Variants in PPP2R2B observed in about 807,000 individuals in gnomAD.
The protein encoded by PPP2R2B is serine/threonine-protein phosphatase 2A 55 kDa regulatory subunit B beta isoform.
PPP2R2B carries 5 observed loss-of-function variants against 46.0 expected under a neutral mutation model. The ratio of observed to expected loss-of-function variants is 0.11; its 90% CI spans 0.06 to 0.23. PPP2R2B has a LOEUF of 0.23. PPP2R2B is among the 10% of genes least tolerant of loss of function. The probability of loss-of-function intolerance (pLI) is 1.00; values close to 1 mark genes in which losing one functional copy is unlikely to be tolerated. For missense variants in PPP2R2B, 367 were observed against 575.0 expected, an observed-to-expected ratio of 0.64 and a Z score of 3.70; for synonymous variants, 215 against 206.7, an observed-to-expected ratio of 1.04 and a Z score of -0.34.
chr5:146,872,990 T>C (rs1761700937), intron 2 of PPP2R2B, among the ~76,000 whole-genome samples: 1 of 152,238 alleles, frequency 6.6e-6, no homozygotes, highest in African/African-American at 2.4e-5. Context: ...TCAAATTTAT[T>C]ATCTAGTCCA....
At position 147,026,916 on chromosome 5, in the gene PPP2R2B, C is replaced by T. The variant is rs901219444; in HGVS notation, c.79+28749G>A. Among the ~76,000 whole-genome samples the T allele has an allele frequency of 5.9e-5, 9 of 152,224 alleles. No homozygotes were observed. The East Asian group carries it at 1.7e-3, about 29-fold the overall frequency. On this transcript the variant is annotated intron_variant, in intron 1 of 8. Coordinates refer to the PPP2R2B transcript ENST00000336640. The stretch of plus-strand genomic sequence containing the variant: ...ACTAAATATGCACTAACCACATGAC[C>T]CAGCAGTTCTACTCCTAGTATTTAC...
chr5:146,789,604 C>T lies in PPP2R2B; in HGVS notation c.70+88398G>A, dbSNP rs557454312. Among the ~76,000 whole-genome samples the T allele has an allele frequency of 3.2e-4, 49 of 152,036 alleles. No homozygotes were observed. The South Asian group carries it at 3.5e-3, about 11-fold the overall frequency. ...ATGGGCCTGGTGATGTTATGGCAAA[C>T]GAGACAGTCACGGGCATGGTCCCTG... On this transcript the variant is annotated intron_variant, in intron 2 of 9. Transcript: ENST00000394411.
intron 2 of PPP2R2B, among the ~76,000 whole-genome samples, chr5:146,797,407 T>C (rs1322279217): frequency 2.6e-5 from 4 of 152,180 alleles, no homozygotes; most frequent in Non-Finnish European, 5.9e-5. Context: ...ATACAGTGAG[T>C]CCATGTATCC....
At chr5:147,081,160 T>C (rs1757957365) in intron 1 of PPP2R2B, 6 of 1,535,374 alleles carry the variant, frequency 3.9e-6, no homozygotes, top group Non-Finnish European at 5.2e-6. Context: ...AAGGAGACAC[T>C]TCAGGTTAGG....
intron 1 of PPP2R2B, among the ~76,000 whole-genome samples, chr5:146,992,689 A>G (rs1007523668): frequency 6.6e-6 from 1 of 152,172 alleles, no homozygotes; most frequent in Non-Finnish European, 1.5e-5. Flanking sequence ...TCATTACAAC[A>G]TAGTTGGGAT....
At chr5:146,917,587 C>G (rs1763438328) in intron 1 of PPP2R2B, among the ~76,000 whole-genome samples, 1 of 152,174 alleles carries the variant, frequency 6.6e-6, no homozygotes, top group Admixed American at 6.5e-5. Flanking sequence ...AGAGTTGGTT[C>G]TAGAACCTAA....
chr5:146,799,298 T>C (rs939745074), intron 2 of PPP2R2B, among the ~76,000 whole-genome samples: 1 of 152,190 alleles, frequency 6.6e-6, no homozygotes, highest in Non-Finnish European at 1.5e-5. Context: ...AGAAAGAGAA[T>C]GAATATGAAA....
intron 4 of PPP2R2B, among the ~76,000 whole-genome samples, chr5:146,695,186 GAAAC>G (rs1463743467): frequency 2.6e-5 from 4 of 152,008 alleles, no homozygotes; most frequent in Non-Finnish European, 4.4e-5. Context: ...TTTCCATTAA[GAAAC>G]AAACAAATTT....
Position 146,813,132 on chromosome 5 carries a change from A to AGT in PPP2R2B, c.70+64868_70+64869dup, listed in dbSNP as rs570965857. Among the ~76,000 whole-genome samples the AGT allele has an allele frequency of 3.3e-5, 5 of 150,858 alleles. 1 individual carries two copies. The highest frequency in any genetic ancestry group is 2.6e-4 in the Admixed American group (4 of 15,098). On this transcript the variant is annotated intron_variant, in intron 2 of 9. Transcript: ENST00000394411. ...ATACTATGAATGAAGCTATATATAT[A>AGT]GTGTGTGTGTGTATATATATGTATA...
chr5:146,977,235 T>C (rs182433344), intron 1 of PPP2R2B, among the ~76,000 whole-genome samples: 1 of 152,216 alleles, frequency 6.6e-6, no homozygotes, highest in African/African-American at 2.4e-5. Flanking sequence ...ATAACCTCTT[T>C]TTCTTTTTTA....
At chr5:146,869,057 A>G (rs1761469397) in intron 2 of PPP2R2B, among the ~76,000 whole-genome samples, 1 of 152,206 alleles carries the variant, frequency 6.6e-6, no homozygotes, top group Non-Finnish European at 1.5e-5. Flanking sequence ...CTCCATAACT[A>G]CCAGCAATCA....
chr5:146,734,513 AC>A (rs1752423698), intron 2 of PPP2R2B, among the ~76,000 whole-genome samples: 1 of 152,158 alleles, frequency 6.6e-6, no homozygotes, highest in Admixed American at 6.5e-5. Context: ...AGGTTCAAGA[AC>A]TAGAATTCAC....
At chr5:146,828,160 C>A (rs1487154579) in intron 2 of PPP2R2B, among the ~76,000 whole-genome samples, 1 of 152,000 alleles carries the variant, frequency 6.6e-6, no homozygotes, top group Non-Finnish European at 1.5e-5. Context: ...ATGAATTCTA[C>A]CATCCATAAT....
At chr5:146,885,161 T>C (rs373458169) in intron 1 of PPP2R2B, among the ~76,000 whole-genome samples, 1 of 152,234 alleles carries the variant, frequency 6.6e-6, no homozygotes, top group Non-Finnish European at 1.5e-5. Context: ...AGGGTTTTAC[T>C]TGCATTGTCT....
At chr5:146,637,115 A>G (rs943020911) in intron 7 of PPP2R2B, among the ~76,000 whole-genome samples, 6 of 152,246 alleles carry the variant, frequency 3.9e-5, no homozygotes, top group African/African-American at 1.2e-4. Flanking sequence ...ATCTTGCCTC[A>G]TTAGCCAAAT....
intron 7 of PPP2R2B, among the ~76,000 whole-genome samples, chr5:146,629,681 C>G (rs1392499952): frequency 6.6e-6 from 1 of 152,062 alleles, no homozygotes; most frequent in Admixed American, 6.6e-5. Flanking sequence ...CCCAGCCTAC[C>G]TCTCTGGCTT....
intron 1 of PPP2R2B, among the ~76,000 whole-genome samples, chr5:146,902,602 G>T: frequency 6.6e-6 from 1 of 152,116 alleles, no homozygotes; most frequent in East Asian, 1.9e-4. Flanking sequence ...GCTCTTAACT[G>T]GTTGCCTTTT....
chr5:147,079,079 C>T (rs2151914111), intron 2 of PPP2R2B, among the ~76,000 whole-genome samples: 1 of 152,000 alleles, frequency 6.6e-6, no homozygotes, highest in Admixed American at 6.6e-5. Flanking sequence ...TTTTAGGTGA[C>T]ATAAAATGGG....
upstream of PPP2R2B, among the ~76,000 whole-genome samples, chr5:146,881,835 A>T (rs896208632): frequency 1.2e-4 from 19 of 152,320 alleles, no homozygotes; most frequent in African/African-American, 4.6e-4. Flanking sequence ...TTTAGGTTTC[A>T]TACCTCCCCC....
Sources: allele counts gnomAD v4.1 joint callset (sites outside exome capture counted in the v4.1 genomes callset), GRCh38; gene constraint gnomAD v4.1.1; transcripts MANE v1.5; gene names NCBI Gene and HGNC (gene_info 2026-07-23, HGNC 2026-07-21).